The following MYLK variants were observed in gnomAD, a reference collection of about 807,000 sequenced individuals.
The protein encoded by MYLK is myosin light chain kinase.
Under a neutral mutation model 203.4 loss-of-function variants are expected in MYLK, and 106 were observed. The observed-to-expected ratio is 0.52, with a 90% CI of 0.45 to 0.61. The LOEUF (loss-of-function observed/expected upper bound fraction) is 0.61, where lower values mean the gene tolerates loss of function less well. Ranked by LOEUF, MYLK falls within the 20% of genes least tolerant of loss-of-function variation. The probability of loss-of-function intolerance (pLI) is 0.00; values close to 1 mark genes in which losing one functional copy is unlikely to be tolerated. For missense variants in MYLK, 2,072 were observed against 2,442.3 expected (o/e 0.85, Z 3.20); for synonymous variants, 867 against 959.5 (o/e 0.90, Z 1.78).
At chr3:123,846,267 T>C (rs2029972956) in intron 2 of MYLK, among the ~76,000 whole-genome samples, 1 of 152,208 alleles carries the variant, frequency 6.6e-6, no homozygotes, top group African/African-American at 2.4e-5. Context: ...CATGTTTGTG[T>C]GAATGCACAG....
chr3:123,801,979 T>G (rs1279334846), intron 3 of MYLK, among the ~76,000 whole-genome samples: 1 of 152,214 alleles, frequency 6.6e-6, no homozygotes, highest in Admixed American at 6.5e-5. Flanking sequence ...GTAGTTCAAC[T>G]CCTAGTTCTT....
At chr3:123,668,641 A>C (rs1054748653) in intron 20 of MYLK, among the ~76,000 whole-genome samples, 2 of 152,114 alleles carry the variant, frequency 1.3e-5, no homozygotes, top group African/African-American at 4.8e-5. Flanking sequence ...AAAGAGGGTG[A>C]AGTTCACTGC....
At chr3:123,701,762 A>G (rs1350152) in intron 16 of MYLK, among the ~76,000 whole-genome samples, 18,653 of 152,248 alleles carry the variant, frequency 0.12, 2,682 homozygotes, top group East Asian at 0.53. Context: ...GCATCCAGAA[A>G]TAGGAACACT....
chr3:123,808,323 A>G (rs2065441224), intron 3 of MYLK, among the ~76,000 whole-genome samples: 1 of 152,186 alleles, frequency 6.6e-6, no homozygotes, highest in Non-Finnish European at 1.5e-5. Context: ...GGAATTTCAC[A>G]GCTGGAAGGG....
intron 3 of MYLK, among the ~76,000 whole-genome samples, chr3:123,812,148 C>T (rs547882690): frequency 1.6e-4 from 24 of 152,280 alleles, no homozygotes; most frequent in African/African-American, 4.8e-4. Flanking sequence ...CTCTTGCCCC[C>T]CAGTTCTGTT....
intron 2 of MYLK, among the ~76,000 whole-genome samples, chr3:123,850,911 T>C (rs1451188220): frequency 6.6e-6 from 1 of 152,244 alleles, no homozygotes; most frequent in Non-Finnish European, 1.5e-5. Context: ...CATCTTGAAT[T>C]AATTTTTGTA....
chr3:123,620,024 A>G (rs750531744), intron 32 of MYLK, among the ~76,000 whole-genome samples, 183 bp downstream of exon 32: 26 of 152,158 alleles, frequency 1.7e-4, no homozygotes, highest in African/African-American at 6.3e-4. Context: ...TTAAAGTTAA[A>G]CGATTAAGAA....
At chr3:123,836,316 C>A (rs575390265) in intron 2 of MYLK, among the ~76,000 whole-genome samples, 15 of 152,282 alleles carry the variant, frequency 9.9e-5, no homozygotes, top group South Asian at 4.1e-4. Flanking sequence ...CCTAGGTATC[C>A]AGCACCAACT....
In MYLK at chr3:123,734,078, T is replaced by G. The variant is rs1576781758; in HGVS notation, c.918A>C (p.Pro306=). The part of the protein sequence containing the change: ...NCSSPQRGGS[P]PWAANSQPQP... ...GAGGCTGGCTGTTTGCAGCCCAGGG[T>G]GGGGAGCCACCTCTCTGGGGGCTGG... The change falls in exon 10 of 34, where the codon CCA becomes CCC. Residue 306 remains proline (P), a synonymous_variant. Coordinates refer to ENST00000360304, the MANE Select transcript of MYLK (RefSeq NM_053025.4). 1.9e-6 allele frequency: 3 copies of G among 1,612,836 alleles called. No individual in the cohort carries two copies. Among genetic ancestry groups the G allele is most frequent in the Non-Finnish European group, 2.5e-6 (3 of 1,179,248 alleles).
chr3:123,815,912 T>C (rs1390524094), intron 3 of MYLK, among the ~76,000 whole-genome samples: 1 of 152,232 alleles, frequency 6.6e-6, no homozygotes, highest in African/African-American at 2.4e-5. Flanking sequence ...GGTGCTATAA[T>C]AGTCCCTGGA....
rs2107803058 is a variant in MYLK at position 123,613,582 on chromosome 3, T to A, written c.*523A>T. 6.0e-6 allele frequency: 1 copy of A among 166,740 alleles called. No homozygotes were observed. Among genetic ancestry groups the A allele is most frequent in the South Asian group, 1.6e-4 (1 of 6,438 alleles). The allele number at this position is 166,740 out of a possible 1,614,324, so 10.3% of individuals were successfully genotyped here. ...TGGAAGGGGAAAGAGAAATGGAGAG[T>A]TTGAACATCTGCAGTGTACTTTGGA... On this transcript the variant is annotated 3_prime_UTR_variant, in exon 34 of 34. Transcript: ENST00000360304.
chr3:123,767,024 C>T (rs1435756537), intron 4 of MYLK, among the ~76,000 whole-genome samples: 1 of 152,220 alleles, frequency 6.6e-6, no homozygotes, highest in Non-Finnish European at 1.5e-5. Flanking sequence ...CCACTGAAAT[C>T]TCTTTTCTAA....
intron 2 of MYLK, among the ~76,000 whole-genome samples, chr3:123,856,714 C>T (rs909882948): frequency 3.9e-5 from 6 of 152,204 alleles, no homozygotes; most frequent in Non-Finnish European, 7.4e-5. Context: ...ACATATGACT[C>T]CCAAACCCAA....
At chr3:123,735,623 T>TA in intron 8 of MYLK, 1 of 590,048 alleles carries the variant, frequency 1.7e-6, no homozygotes, top group South Asian at 2.0e-5. Context: ...GGCTTCTTAA[T>TA]AGTGGCTGGT....
In MYLK at chr3:123,625,671, G is replaced by A. The variant is rs529380126; in HGVS notation, c.5238+1147C>T. ...AAAATACAAAAAATTAGCCAGGCGT[G>A]GTGGTGGGCGCCTGTAATCCCAGCT... On this transcript the variant is annotated intron_variant, in intron 31 of 33. Transcript: ENST00000360304. 1.0e-3 allele frequency among the ~76,000 whole-genome samples: 152 copies of A among 151,704 alleles called. 1 individual carries two copies. The highest frequency in any genetic ancestry group is 3.5e-3 in the African/African-American group (143 of 41,386).
At chr3:123,822,500 C>T (rs1205126096) in intron 3 of MYLK, among the ~76,000 whole-genome samples, 1 of 152,166 alleles carries the variant, frequency 6.6e-6, no homozygotes, top group Non-Finnish European at 1.5e-5. Context: ...CTCCATCCTT[C>T]TTCATCTGCA....
intron 13 of MYLK, among the ~76,000 whole-genome samples, chr3:123,719,459 AT>A (rs2062015318): frequency 3.9e-5 from 6 of 152,174 alleles, no homozygotes; most frequent in Admixed American, 2.6e-4. Flanking sequence ...ATTTGTAAGG[AT>A]TGTATCTTGT....
At chr3:123,701,403 C>T in intron 17 of MYLK, 35 bp downstream of exon 17, 1 of 1,607,062 alleles carries the variant, frequency 6.2e-7, no homozygotes, top group Non-Finnish European at 8.5e-7. Flanking sequence ...GGGATGGGGG[C>T]ATGGCCTGGA....
At chr3:123,830,692 C>G (rs1026325427) in intron 3 of MYLK, among the ~76,000 whole-genome samples, 1 of 152,248 alleles carries the variant, frequency 6.6e-6, no homozygotes, top group Admixed American at 6.5e-5. Flanking sequence ...TGAGAGTTAA[C>G]TGACACCCTC....
Sources: allele counts gnomAD v4.1 joint callset (sites outside exome capture counted in the v4.1 genomes callset), GRCh38; gene constraint gnomAD v4.1.1; transcripts MANE v1.5; gene names NCBI Gene and HGNC (gene_info 2026-07-23, HGNC 2026-07-21).